MYO5B: variants seen among roughly 807,000 people sequenced by gnomAD.
MYO5B encodes the protein unconventional myosin-Vb.
Under a neutral mutation model 229.3 loss-of-function variants are expected in MYO5B, and 143 were observed. The ratio of observed to expected loss-of-function variants is 0.62; its 90% CI spans 0.54 to 0.72. MYO5B has a LOEUF of 0.72. Among genes scored for constraint, MYO5B ranks in the 30% least tolerant of loss-of-function variants. The pLI is 0.00. For missense variants in MYO5B, 2,321 were observed against 2,331.0 expected (o/e 1.00, Z 0.09); for synonymous variants, 918 against 885.2 (o/e 1.04, Z -0.66).
Position 49,963,050 on chromosome 18 carries a change from G to T in MYO5B, c.1323-20C>A, listed in dbSNP as rs1283795047. 15 of 1,599,546 alleles carry T rather than the reference G, an allele frequency of 9.4e-6. No homozygotes were observed. Among genetic ancestry groups the T allele is most frequent in the Non-Finnish European group, 1.3e-5 (15 of 1,166,730 alleles). On this transcript the variant is annotated intron_variant, in intron 10 of 39. Transcript: ENST00000285039. ...TCAAACCTACAGAATGGAAAGAGAA[G>T]ATAAGAGACGTCTCCTTTCAACAAA...
At chr18:50,168,198 G>A (rs759529741) in intron 1 of MYO5B, among the ~76,000 whole-genome samples, 1 of 152,122 alleles carries the variant, frequency 6.6e-6, no homozygotes, top group Non-Finnish European at 1.5e-5. Context: ...AACAGCATCC[G>A]AGTCAAACCT....
chr18:50,145,312 C>A (rs565723777), intron 1 of MYO5B, among the ~76,000 whole-genome samples: 29 of 151,728 alleles, frequency 1.9e-4, no homozygotes, highest in African/African-American at 6.5e-4. Flanking sequence ...ACAGTGAAAC[C>A]CCGTCTCTAC....
At chr18:50,006,451 G>C (rs79744218) in intron 4 of MYO5B, among the ~76,000 whole-genome samples, 2 of 152,302 alleles carry the variant, frequency 1.3e-5, no homozygotes, top group East Asian at 3.9e-4. Context: ...TCTTCAGAAA[G>C]TCAAACAGCA....
At chr18:50,044,559 C>T (rs946223294) in intron 2 of MYO5B, among the ~76,000 whole-genome samples, 2 of 152,074 alleles carry the variant, frequency 1.3e-5, no homozygotes, top group African/African-American at 4.8e-5. Flanking sequence ...CCCAGTTGGT[C>T]CCTGCCTGAC....
chr18:50,036,741 G>C, intron 4 of MYO5B, 109 bp downstream of exon 4: 2 of 1,309,452 alleles, frequency 1.5e-6, no homozygotes, highest in Non-Finnish European at 2.2e-6. Context: ...TGTTTCCTCA[G>C]TCCCAATCTC....
intron 8 of MYO5B, among the ~76,000 whole-genome samples, chr18:49,984,407 C>T (rs866949446): frequency 6.6e-6 from 1 of 152,226 alleles, no homozygotes; most frequent in Non-Finnish European, 1.5e-5. Context: ...CACGAGAAGA[C>T]GTGGCTACAC....
intron 1 of MYO5B, among the ~76,000 whole-genome samples, chr18:50,132,235 T>G (rs1295429095): frequency 6.6e-6 from 1 of 152,192 alleles, no homozygotes; most frequent in East Asian, 1.9e-4. Context: ...TCTGGAAATT[T>G]AAGAACATTT....
At chr18:49,953,222 G>T (rs767027189) in intron 14 of MYO5B, 38 bp downstream of exon 14, 1 of 1,576,298 alleles carries the variant, frequency 6.3e-7, no homozygotes, top group South Asian at 1.1e-5. Context: ...CTGGCCGTGG[G>T]CATTCCTGCT....
At chr18:49,983,271 C>A (rs941654566) in intron 8 of MYO5B, among the ~76,000 whole-genome samples, 8 of 152,198 alleles carry the variant, frequency 5.3e-5, no homozygotes, top group African/African-American at 1.9e-4. Flanking sequence ...AACATGAAGA[C>A]AATTCCCTTT....
chr18:50,031,709 C>T (rs2026391658), intron 4 of MYO5B, among the ~76,000 whole-genome samples: 1 of 152,148 alleles, frequency 6.6e-6, no homozygotes, highest in Non-Finnish European at 1.5e-5. Flanking sequence ...AGAAACAGGA[C>T]CCAACAGAGA....
At chr18:49,848,905 T>G (rs927553850) in intron 32 of MYO5B, among the ~76,000 whole-genome samples, 11 of 151,962 alleles carry the variant, frequency 7.2e-5, no homozygotes, top group Non-Finnish European at 1.5e-5. Flanking sequence ...ACAACTGTGA[T>G]CAGGGTTGTG....
chr18:50,106,791 T>C (rs539255429), intron 1 of MYO5B, among the ~76,000 whole-genome samples: 1 of 152,378 alleles, frequency 6.6e-6, no homozygotes, highest in East Asian at 1.9e-4. Context: ...AGGCATCTTA[T>C]TCACTGCTGT....
At chr18:49,845,127 C>T (rs1228816814) in intron 33 of MYO5B, among the ~76,000 whole-genome samples, 1 of 152,182 alleles carries the variant, frequency 6.6e-6, no homozygotes, top group Non-Finnish European at 1.5e-5. Context: ...GAGGGAGCCA[C>T]CTGTCTGACA....
chr18:50,050,970 A>G (rs1255039040), intron 2 of MYO5B, among the ~76,000 whole-genome samples: 1 of 152,192 alleles, frequency 6.6e-6, no homozygotes, highest in East Asian at 1.9e-4. Flanking sequence ...AAGTATTTGC[A>G]ACCTCTGCAA....
chr18:49,878,870 C>G, intron 24 of MYO5B, 75 bp downstream of exon 24: 1 of 1,544,758 alleles, frequency 6.5e-7, no homozygotes, highest in Non-Finnish European at 8.9e-7. Context: ...GAAAGCAGTG[C>G]CTGAGATCAC....
intron 2 of MYO5B, among the ~76,000 whole-genome samples, chr18:50,043,376 TA>T (rs1420120577): frequency 2.1e-5 from 2 of 97,082 alleles, no homozygotes; most frequent in Non-Finnish European, 3.9e-5. Flanking sequence ...ATATAATATA[TA>T]ATATATTAAA....
intron 1 of MYO5B, among the ~76,000 whole-genome samples, chr18:50,115,826 G>C (rs372516747): frequency 6.6e-6 from 1 of 151,558 alleles, no homozygotes; most frequent in Non-Finnish European, 1.5e-5. Flanking sequence ...TGTGGGAGGG[G>C]GGAGGGTAGT....
chr18:50,039,372 C>G (rs1034360396), intron 3 of MYO5B, among the ~76,000 whole-genome samples: 5 of 152,092 alleles, frequency 3.3e-5, no homozygotes, highest in African/African-American at 1.2e-4. Flanking sequence ...CACTTTGTCA[C>G]CCAGGCTGGA....
intron 1 of MYO5B, among the ~76,000 whole-genome samples, chr18:50,190,350 TCCAATGGG>T (rs1196630422): frequency 6.6e-6 from 1 of 152,184 alleles, no homozygotes; most frequent in Non-Finnish European, 1.5e-5. Context: ...CATTGTCTTT[TCCAATGGG>T]TTGGAAGCCA....
Sources: gnomAD v4.1 joint callset for allele counts (sites outside exome capture counted in the v4.1 genomes callset) on GRCh38, gnomAD v4.1.1 for gene constraint, MANE v1.5 for transcripts, NCBI Gene and HGNC (gene_info 2026-07-23, HGNC 2026-07-21) for gene names.